Variants in CRY1 observed in about 807,000 individuals in gnomAD.
The protein encoded by CRY1 is cryptochrome-1.
Under a neutral mutation model 76.0 loss-of-function variants are expected in CRY1, and 45 were observed. The ratio of observed to expected loss-of-function variants is 0.59; its 90% CI spans 0.47 to 0.76. The LOEUF is 0.76. Ranked by LOEUF, CRY1 falls within the 30% of genes least tolerant of loss-of-function variation. CRY1 has a pLI of 0.00. For synonymous variants in CRY1, 248 were observed against 244.0 expected, an observed-to-expected ratio of 1.02 and a Z score of -0.15; for missense variants, 587 against 716.4, an observed-to-expected ratio of 0.82 and a Z score of 2.06.
At chr12:107,073,513 G>A (rs994812642) in intron 1 of CRY1, among the ~76,000 whole-genome samples, 4 of 152,160 alleles carry the variant, frequency 2.6e-5, no homozygotes, top group Non-Finnish European at 4.4e-5. Context: ...GATCACTTGA[G>A]GTCAGGAGTT....
intron 1 of CRY1, among the ~76,000 whole-genome samples, chr12:107,047,736 T>C (rs943661659): frequency 6.6e-6 from 1 of 152,198 alleles, no homozygotes; most frequent in Non-Finnish European, 1.5e-5. Context: ...CTTTTCTTTA[T>C]AAATTACCCA....
chr12:107,088,242 T>C (rs1212216293), intron 1 of CRY1, among the ~76,000 whole-genome samples: 1 of 152,174 alleles, frequency 6.6e-6, no homozygotes, highest in Non-Finnish European at 1.5e-5. Flanking sequence ...CTTCTCACTC[T>C]ATTAATTAAC....
intron 2 of CRY1, among the ~76,000 whole-genome samples, chr12:107,019,013 C>T (rs1371600936): frequency 6.6e-6 from 1 of 152,178 alleles, no homozygotes; most frequent in African/African-American, 2.4e-5. Flanking sequence ...CTAAACTAGC[C>T]TTACCTCCAA....
intron 10 of CRY1, among the ~76,000 whole-genome samples, chr12:106,995,856 T>C (rs756335835): frequency 6.6e-6 from 1 of 152,112 alleles, no homozygotes; most frequent in Non-Finnish European, 1.5e-5. Flanking sequence ...TTGTTTTTTG[T>C]TTTTGAGATG....
At chr12:107,011,311 T>G (rs1464579106) in intron 2 of CRY1, among the ~76,000 whole-genome samples, 1 of 151,342 alleles carries the variant, frequency 6.6e-6, no homozygotes, top group African/African-American at 2.4e-5. Flanking sequence ...GATCGAGCCA[T>G]TGCACTCCAG....
chr12:107,001,952 T>C lies in CRY1; in HGVS notation c.411-4A>G, dbSNP rs1952317195. ...TCCACCATTGAGTTCTATGATCCTA[T>C]AACAAGAGTTAGTAAAATGTAGTTA... is the stretch of plus-strand genomic sequence containing the variant. On this transcript the variant is annotated splice_polypyrimidine_tract_variant and splice_region_variant and intron_variant, in intron 3 of 12. Coordinates refer to ENST00000008527, the MANE Select transcript of CRY1 (RefSeq NM_004075.5). 2 of 1,565,420 alleles carry C rather than the reference T, an allele frequency of 1.3e-6. No homozygotes were observed. Among genetic ancestry groups the C allele is most frequent in the East Asian group, 2.4e-5 (1 of 42,320 alleles).
intron 1 of CRY1, among the ~76,000 whole-genome samples, chr12:107,023,517 A>G (rs1952579357): frequency 6.6e-6 from 1 of 152,174 alleles, no homozygotes; most frequent in Non-Finnish European, 1.5e-5. Context: ...CGCTTTACAC[A>G]TTCCGATACC....
intron 1 of CRY1, among the ~76,000 whole-genome samples, chr12:107,038,636 AAAG>A (rs2136864055): frequency 6.6e-6 from 1 of 152,362 alleles, no homozygotes; most frequent in Admixed American, 6.5e-5. Context: ...AGAGGGTCAA[AAAG>A]AAGGAAATAA....
intron 1 of CRY1, among the ~76,000 whole-genome samples, chr12:107,025,663 T>C (rs922331489): frequency 1.3e-5 from 2 of 152,216 alleles, no homozygotes; most frequent in African/African-American, 4.8e-5. Flanking sequence ...TTGTATTTAC[T>C]GCAATGCCTT....
At chr12:107,087,675 A>G (rs1354044558) in intron 1 of CRY1, among the ~76,000 whole-genome samples, 1 of 152,208 alleles carries the variant, frequency 6.6e-6, no homozygotes, top group East Asian at 1.9e-4. Flanking sequence ...TGAGTCTCGG[A>G]TAAGATTTTA....
chr12:107,068,398 A>T (rs1397840754), intron 1 of CRY1, among the ~76,000 whole-genome samples: 2 of 152,082 alleles, frequency 1.3e-5, no homozygotes, highest in Non-Finnish European at 2.9e-5. Context: ...CCTTGGTTTA[A>T]GCAATTCCTG....
At chr12:107,065,043 C>T (rs1376253299) in intron 1 of CRY1, among the ~76,000 whole-genome samples, 1 of 152,122 alleles carries the variant, frequency 6.6e-6, no homozygotes, top group Non-Finnish European at 1.5e-5. Flanking sequence ...ACACCATTTT[C>T]CCAGCACTTT....
chr12:107,001,029 C>A lies in CRY1; in HGVS notation c.684+251G>T, dbSNP rs556728195. On this transcript the variant is annotated intron_variant, in intron 5 of 12. Transcript: ENST00000008527. Reference sequence around the variant, plus strand: ...CGAAATTGTGGCCACTAGATACTAGCTTAGGTAGAAAGAACAGAAGAGGTA... The same window carrying A: ...CGAAATTGTGGCCACTAGATACTAGATTAGGTAGAAAGAACAGAAGAGGTA... 3.9e-4 allele frequency among the ~76,000 whole-genome samples: 59 copies of A among 151,986 alleles called. No individual in the cohort carries two copies. The South Asian group carries it at 7.1e-3, about 18-fold the overall frequency.
At chr12:107,063,475 T>A (rs1953073454) in intron 1 of CRY1, among the ~76,000 whole-genome samples, 1 of 152,190 alleles carries the variant, frequency 6.6e-6, no homozygotes, top group South Asian at 2.1e-4. Context: ...GGCAAGTTTT[T>A]CAATGCTGAC....
intron 1 of CRY1, among the ~76,000 whole-genome samples, chr12:107,088,396 G>T (rs1337096381): frequency 6.6e-6 from 1 of 152,162 alleles, no homozygotes; most frequent in African/African-American, 2.4e-5. Context: ...CATGCTTCTA[G>T]TAAAGCCTGC....
intron 2 of CRY1, among the ~76,000 whole-genome samples, chr12:107,018,068 AT>A (rs1469403732): frequency 6.6e-6 from 1 of 152,232 alleles, no homozygotes; most frequent in African/African-American, 2.4e-5. Context: ...AGCCTTGTAT[AT>A]AGCAGGCACT....
At chr12:107,078,280 A>G (rs1953282137) in intron 1 of CRY1, among the ~76,000 whole-genome samples, 1 of 152,092 alleles carries the variant, frequency 6.6e-6, no homozygotes, top group South Asian at 2.1e-4. Context: ...AGGGTCCTCT[A>G]AACAACATCT....
chr12:107,077,946 A>G (rs937613692), intron 1 of CRY1, among the ~76,000 whole-genome samples: 1 of 152,210 alleles, frequency 6.6e-6, no homozygotes, highest in African/African-American at 2.4e-5. Context: ...CAGATAAAGT[A>G]TAATTTTCAA....
At chr12:107,057,130 A>C (rs561370181) in intron 1 of CRY1, among the ~76,000 whole-genome samples, 6 of 152,330 alleles carry the variant, frequency 3.9e-5, no homozygotes, top group African/African-American at 1.4e-4. Context: ...ATGCCTCCTA[A>C]GTACTTACAA....
Sources: allele counts gnomAD v4.1 joint callset (sites outside exome capture counted in the v4.1 genomes callset), GRCh38; gene constraint gnomAD v4.1.1; transcripts MANE v1.5; gene names NCBI Gene and HGNC (gene_info 2026-07-23, HGNC 2026-07-21).